The following TP53BP1 variants were observed in gnomAD, a reference collection of about 807,000 sequenced individuals.
The protein encoded by TP53BP1 is TP53-binding protein 1.
Under a neutral mutation model 200.8 loss-of-function variants are expected in TP53BP1, and 61 were observed. That is an observed-to-expected ratio of 0.30 (90% confidence interval 0.25 to 0.38). The LOEUF (loss-of-function observed/expected upper bound fraction) is 0.38, where lower values mean the gene tolerates loss of function less well. Ranked by LOEUF, TP53BP1 falls within the 10% of genes least tolerant of loss-of-function variation. TP53BP1 has a pLI of 1.00. For synonymous variants in TP53BP1, 822 were observed against 844.3 expected, an observed-to-expected ratio of 0.97 and a Z score of 0.46; for missense variants, 2,144 against 2,371.9, an observed-to-expected ratio of 0.90 and a Z score of 2.00.
intron 16 of TP53BP1, among the ~76,000 whole-genome samples, chr15:43,435,074 A>G: frequency 6.6e-6 from 1 of 152,048 alleles, no homozygotes; most frequent in South Asian, 2.1e-4. Context: ...CTGCCTGGCC[A>G]ACACGGCAAA....
intron 23 of TP53BP1, chr15:43,415,228 A>G: frequency 6.2e-6 from 1 of 161,786 alleles, no homozygotes; most frequent in Non-Finnish European, 1.2e-5. Flanking sequence ...TTTTCTGGAG[A>G]CCAAGTTTCA....
rs2046029308 is a variant in TP53BP1, at chr15:43,445,801, G to C, written c.3040+586C>G. Among the ~76,000 whole-genome samples the C allele has an allele frequency of 2.0e-5, 3 of 152,120 alleles. No individual in the cohort carries two copies. The South Asian group carries it at 6.2e-4, about 32-fold the overall frequency. Reference sequence around the variant, plus strand: ...CCACTACCAATGACCTCACTTTCTGGTTAAAGACTGGGTAGAATTTACCAG... The same window carrying C: ...CCACTACCAATGACCTCACTTTCTGCTTAAAGACTGGGTAGAATTTACCAG... On this transcript the variant is annotated intron_variant, in intron 14 of 27. Transcript: ENST00000382044.
intron 4 of TP53BP1, among the ~76,000 whole-genome samples, chr15:43,481,460 TACACACACACAC>T (rs61433356): frequency 3.5e-5 from 5 of 143,712 alleles, no homozygotes; most frequent in African/African-American, 1.3e-4. Context: ...TGTATATAAA[TACACACACACAC>T]ACACACACAC....
Position 43,432,325 on chromosome 15 carries a change from C to T in TP53BP1, c.3544G>A (p.Val1182Met), listed in dbSNP as rs1384193426. ...VSAATQTIKNVCEQGTSTVDQ... is the reference protein window; with the variant it reads ...VSAATQTIKNMCEQGTSTVDQ... ...ACTGTACTGGTCCCCTGCTCACACACATTCTTTATAGTCTGGGTTGCTGCT... is the reference window on the plus strand; with the variant it reads ...ACTGTACTGGTCCCCTGCTCACACATATTCTTTATAGTCTGGGTTGCTGCT... Residue 1182 changes from valine (V) to methionine (M), a missense_variant, in exon 17 of 28, where the codon GTG becomes ATG. Val to Met is a conservative substitution (Grantham distance 21). Around this residue, in one of 4 missense-constraint regions of TP53BP1, gnomAD observed 1,700 missense variants for 1,710.3 expected, o/e 0.99. Coordinates refer to ENST00000382044, the MANE Select transcript of TP53BP1 (RefSeq NM_001141980.3). 1 of 1,614,216 alleles carries T rather than the reference C, an allele frequency of 6.2e-7. No homozygotes were observed. The highest frequency in any genetic ancestry group is 8.5e-7 in the Non-Finnish European group (1 of 1,180,032).
intron 16 of TP53BP1, 130 bp downstream of exon 16, chr15:43,438,194 C>T: frequency 2.9e-6 from 2 of 689,916 alleles, no homozygotes; most frequent in South Asian, 2.2e-5. Context: ...CCTCTCAACA[C>T]TGTTGCACTG....
rs774605101 is a variant in TP53BP1, at chr15:43,456,725, G to A, written c.1883C>T (p.Ser628Leu). 1.2e-5 allele frequency: 20 copies of A among 1,613,888 alleles called. No homozygotes were observed. Among genetic ancestry groups the A allele is most frequent in the African/African-American group, 4.0e-5 (3 of 74,874 alleles). ...EDVCIDLTCD[S>L]GSQAVPSPAT... is the part of the protein sequence containing the mutation. The stretch of plus-strand genomic sequence containing the variant: ...TGGTGACGGAACTGCCTGACTCCCC[G>A]AATCACAAGTGAGATCAATACAAAC... The change falls in exon 12 of 28, where the codon TCG (serine) becomes TTG (leucine). Residue 628 changes from serine (S) to leucine (L), a missense_variant. Physicochemically the swap from Ser to Leu is moderately radical, Grantham distance 145. Around this residue, in one of 4 missense-constraint regions of TP53BP1, gnomAD observed 1,700 missense variants for 1,710.3 expected, o/e 0.99. Transcript: ENST00000382044.
At chr15:43,496,093 T>C (rs2140168144), upstream of TP53BP1, among the ~76,000 whole-genome samples, 1 of 152,254 alleles carries the variant, frequency 6.6e-6, no homozygotes, top group African/African-American at 2.4e-5. Flanking sequence ...TAACATCTTT[T>C]CCTAAACCAC....
chr15:43,500,111 C>A (rs2079202123), intron 1 of TP53BP1, among the ~76,000 whole-genome samples: 1 of 152,188 alleles, frequency 6.6e-6, no homozygotes. Flanking sequence ...ACCTCTCTCC[C>A]AAATTACCAA....
At position 43,486,078 on chromosome 15, in the gene TP53BP1, C is replaced by CA. The variant is rs929171373; in HGVS notation, c.372-5057dup. Among the ~76,000 whole-genome samples, 16 of 148,628 alleles carry CA rather than the reference C, an allele frequency of 1.1e-4. 1 individual carries two copies. The highest frequency in any genetic ancestry group is 4.3e-4 in the South Asian group (2 of 4,698). Reference sequence around the variant, plus strand: ...CAAAAATTGAGAGGGTGAAAACAAACAAAAAAAAAATTGGGAGGGCCGCGG... The same window carrying CA: ...CAAAAATTGAGAGGGTGAAAACAAACAAAAAAAAAAATTGGGAGGGCCGCGG... On this transcript the variant is annotated intron_variant, in intron 4 of 27. Transcript: ENST00000382044.
intron 11 of TP53BP1, among the ~76,000 whole-genome samples, chr15:43,460,616 T>TACTACCCATAACTTCTG (rs1429232498): frequency 5.9e-5 from 9 of 152,330 alleles, no homozygotes; most frequent in African/African-American, 9.6e-5. Context: ...AAGCATTCTG[T>TACTACCCATAACTTCTG]ATATTCCATA....
intron 11 of TP53BP1, among the ~76,000 whole-genome samples, chr15:43,461,761 C>T (rs1360482152): frequency 1.3e-5 from 2 of 151,522 alleles, no homozygotes; most frequent in Admixed American, 6.6e-5. Context: ...CTCCACCTCC[C>T]AGGTTCAAGT....
intron 4 of TP53BP1, among the ~76,000 whole-genome samples, chr15:43,483,745 A>G (rs1054955075): frequency 2.0e-5 from 3 of 152,246 alleles, no homozygotes; most frequent in African/African-American, 7.2e-5. Context: ...AGGGAAAGAA[A>G]GTTCAAGAGC....
At chr15:43,491,374 C>T (rs940415319) in intron 4 of TP53BP1, among the ~76,000 whole-genome samples, 11 of 152,160 alleles carry the variant, frequency 7.2e-5, no homozygotes, top group Admixed American at 6.5e-5. Context: ...AGCCACCATG[C>T]CTGGCCCCTA....
chr15:43,478,399 C>T (rs1433909035), intron 7 of TP53BP1, among the ~76,000 whole-genome samples: 2 of 152,180 alleles, frequency 1.3e-5, no homozygotes, highest in Non-Finnish European at 1.5e-5. Flanking sequence ...CACTGTTATG[C>T]TGAGTGTTTT....
rs1284705661 is a variant in TP53BP1 at position 43,492,899 on chromosome 15, C to G, written c.7+138G>C. 2.3e-5 allele frequency: 20 copies of G among 868,980 alleles called. 2 individuals carry two copies. Among genetic ancestry groups the G allele is most frequent in the South Asian group, 9.7e-5 (6 of 62,174 alleles). The allele number at this position is 868,980 out of a possible 1,614,324, so 53.8% of individuals were successfully genotyped here. ...CTTCTTAGCTAACGTTTCCCCACCC[C>G]CTCCTTAGGGCCCTCCAACCCCTTC... On this transcript the variant is annotated intron_variant, in intron 1 of 27. Coordinates refer to ENST00000382044, the MANE Select transcript of TP53BP1 (RefSeq NM_001141980.3).
At chr15:43,473,111 C>T (rs1566955892) in intron 10 of TP53BP1, among the ~76,000 whole-genome samples, 5 of 152,110 alleles carry the variant, frequency 3.3e-5, no homozygotes, top group Admixed American at 2.0e-4. Flanking sequence ...GGCTCGTGGT[C>T]TCGCTGGCTT....
intron 18 of TP53BP1, among the ~76,000 whole-genome samples, chr15:43,425,500 G>T (rs1467410192): frequency 6.6e-6 from 1 of 152,130 alleles, no homozygotes; most frequent in Admixed American, 6.5e-5. Context: ...GTGTGCCTAT[G>T]GTCCCAGCTA....
At chr15:43,487,272 T>C (rs1055692653) in intron 4 of TP53BP1, among the ~76,000 whole-genome samples, 1 of 152,044 alleles carries the variant, frequency 6.6e-6, no homozygotes, top group Non-Finnish European at 1.5e-5. Flanking sequence ...GAGGTATCAC[T>C]ACAGACTTGT....
In TP53BP1 at chr15:43,444,327, G is replaced by A. The variant is rs192080222; in HGVS notation, c.3040+2060C>T. On this transcript the variant is annotated intron_variant, in intron 14 of 27. Coordinates refer to ENST00000382044, the MANE Select transcript of TP53BP1 (RefSeq NM_001141980.3). The stretch of plus-strand genomic sequence containing the variant: ...TCACTATGTTGCCCAGGCTGGTCTT[G>A]TACTTCTGGGTTTAAGCACACCTCC... Among the ~76,000 whole-genome samples, 258 of 152,206 alleles carry A rather than the reference G, an allele frequency of 1.7e-3. 1 individual carries two copies. Among genetic ancestry groups the A allele is most frequent in the African/African-American group, 5.8e-3 (242 of 41,504 alleles).
Sources: allele counts gnomAD v4.1 joint callset (sites outside exome capture counted in the v4.1 genomes callset), GRCh38; gene constraint gnomAD v4.1.1; regional missense constraint gnomAD v4.1.1; transcripts MANE v1.5; gene names NCBI Gene and HGNC (gene_info 2026-07-23, HGNC 2026-07-21).